The following CDH18 variants were observed in gnomAD, a reference collection of about 807,000 sequenced individuals.
CDH18 encodes the protein cadherin-18.
In CDH18, 31 loss-of-function variants were observed where a neutral mutation model predicts 67.9. The observed-to-expected ratio is 0.46, with a 90% CI of 0.34 to 0.62. CDH18 has a LOEUF of 0.62. Ranked by LOEUF, CDH18 falls within the 20% of genes least tolerant of loss-of-function variation. The pLI, the probability that CDH18 is intolerant of heterozygous loss-of-function variation, is 0.01. For synonymous variants in CDH18, 362 were observed against 347.2 expected (o/e 1.04, Z -0.48); for missense variants, 890 against 975.5 (o/e 0.91, Z 1.17).
At position 19,573,548 on chromosome 5, in the gene CDH18, G is replaced by A. The variant is rs146300963; in HGVS notation, c.1000-1716C>T. ...CCACCTAGGCCTCCCAAAGTGCTGG[G>A]ATTGCAGGCGTAAGCCACCATGCCC... On this transcript the variant is annotated intron_variant, in intron 7 of 12. Coordinates refer to ENST00000382275, the MANE Select transcript of CDH18 (RefSeq NM_004934.5). Among the ~76,000 whole-genome samples, 416 of 152,222 alleles carry A rather than the reference G, an allele frequency of 2.7e-3. 3 individuals are homozygous for A. Among genetic ancestry groups the A allele is most frequent in the African/African-American group, 9.3e-3 (386 of 41,554 alleles).
chr5:20,507,671 G>A (rs987012696), intron 1 of CDH18, among the ~76,000 whole-genome samples: 6 of 151,882 alleles, frequency 4.0e-5, no homozygotes, highest in East Asian at 1.9e-4. Flanking sequence ...GAAAATTCTA[G>A]GTTCTATGTT....
chr5:20,287,700 C>A (rs1292949983), intron 1 of CDH18, among the ~76,000 whole-genome samples: 7 of 151,536 alleles, frequency 4.6e-5, no homozygotes, highest in Non-Finnish European at 5.9e-5. Context: ...TTCTGTAAAT[C>A]CAATTGAAAA....
At chr5:19,734,510 A>G (rs1768037318) in intron 4 of CDH18, among the ~76,000 whole-genome samples, 2 of 152,130 alleles carry the variant, frequency 1.3e-5, no homozygotes, top group African/African-American at 4.8e-5. Flanking sequence ...CCTCAGAAAA[A>G]TTCACCAAAG....
At chr5:19,632,661 C>G (rs894828287) in intron 5 of CDH18, among the ~76,000 whole-genome samples, 1 of 152,198 alleles carries the variant, frequency 6.6e-6, no homozygotes, top group African/African-American at 2.4e-5. Context: ...TGAATACCTT[C>G]CATGTACCAG....
chr5:19,641,972 G>T (rs181045736), intron 5 of CDH18, among the ~76,000 whole-genome samples: 1 of 151,772 alleles, frequency 6.6e-6, no homozygotes, highest in African/African-American at 2.4e-5. Flanking sequence ...AAAACCTGTT[G>T]GAAATAATAA....
chr5:20,202,498 C>T (rs992848280), intron 2 of CDH18, among the ~76,000 whole-genome samples: 3 of 151,862 alleles, frequency 2.0e-5, no homozygotes, highest in Non-Finnish European at 4.4e-5. Context: ...TATTAAAAAT[C>T]AGTTTTTTGA....
At chr5:19,495,125 T>C (rs1385197848) in intron 11 of CDH18, among the ~76,000 whole-genome samples, 1 of 152,192 alleles carries the variant, frequency 6.6e-6, no homozygotes, top group African/African-American at 2.4e-5. Context: ...TTGGTTGAAA[T>C]GGTGACTAAT....
chr5:19,515,746 T>C (rs944011191), intron 10 of CDH18, among the ~76,000 whole-genome samples: 3 of 152,196 alleles, frequency 2.0e-5, no homozygotes, highest in Non-Finnish European at 2.9e-5. Context: ...TAAGAAGATT[T>C]TGGGCTGAGA....
chr5:19,986,374 C>T (rs1348539775), intron 1 of CDH18, among the ~76,000 whole-genome samples: 1 of 152,152 alleles, frequency 6.6e-6, no homozygotes, highest in African/African-American at 2.4e-5. Flanking sequence ...TTCTCCTTTG[C>T]TATTGGGTTA....
At chr5:19,752,894 G>A (rs1771043882) in intron 3 of CDH18, among the ~76,000 whole-genome samples, 1 of 152,152 alleles carries the variant, frequency 6.6e-6, no homozygotes, top group Non-Finnish European at 1.5e-5. Context: ...CCAGAGCCTG[G>A]TAGACTTTTT....
At chr5:20,542,157 C>A (rs1003068631) in intron 1 of CDH18, among the ~76,000 whole-genome samples, 1 of 152,088 alleles carries the variant, frequency 6.6e-6, no homozygotes, top group African/African-American at 2.4e-5. Context: ...TGTTCACCAT[C>A]AGAGTTCAGT....
In CDH18 at chr5:19,610,461, C is replaced by T. The variant is rs575751353; in HGVS notation, c.811+1973G>A. ...CATCTGCAAAGTCAATCTTAATAAA[C>T]CTGTAATTTTAATAATTATTTTAGG... On this transcript the variant is annotated intron_variant, in intron 6 of 12. Coordinates refer to ENST00000382275, the MANE Select transcript of CDH18 (RefSeq NM_004934.5). Among the ~76,000 whole-genome samples the T allele has an allele frequency of 2.0e-4, 30 of 151,892 alleles. No homozygotes were observed. The South Asian group carries it at 4.8e-3, about 24-fold the overall frequency.
intron 2 of CDH18, among the ~76,000 whole-genome samples, chr5:20,228,990 T>A (rs1741855580): frequency 6.6e-6 from 1 of 152,116 alleles, no homozygotes; most frequent in Non-Finnish European, 1.5e-5. Context: ...TTCATATTTA[T>A]GTACAGTTTC....
chr5:20,139,682 GA>G (rs1285633988), intron 2 of CDH18, among the ~76,000 whole-genome samples: 1 of 152,152 alleles, frequency 6.6e-6, no homozygotes, highest in East Asian at 1.9e-4. Flanking sequence ...CTTCTCAGAA[GA>G]AGACATTCAT....
chr5:20,209,109 T>A (rs1361065089), intron 2 of CDH18, among the ~76,000 whole-genome samples: 1 of 151,976 alleles, frequency 6.6e-6, no homozygotes, highest in Non-Finnish European at 1.5e-5. Context: ...AAGAACATGG[T>A]GGTGAGGCTG....
At position 19,483,566 on chromosome 5, in the gene CDH18, A is replaced by G; in HGVS notation, c.1631-14T>C. On this transcript the variant is annotated splice_polypyrimidine_tract_variant and intron_variant, in intron 11 of 12. Transcript: ENST00000382275. ...TGGCTGTGTTATCTATGATAGACAT[A>G]AGCAAAACAAAATACACTTAGTCAA... is the stretch of plus-strand genomic sequence containing the variant. The G allele has an allele frequency of 6.3e-7, 1 of 1,581,438 alleles. No individual in the cohort carries two copies. The highest frequency in any genetic ancestry group is 8.6e-7 in the Non-Finnish European group (1 of 1,161,958).
chr5:20,516,418 C>T (rs934723725), intron 1 of CDH18, among the ~76,000 whole-genome samples: 1 of 151,918 alleles, frequency 6.6e-6, no homozygotes, highest in Non-Finnish European at 1.5e-5. Context: ...AGATAATTTA[C>T]TGCAAACAAA....
At chr5:19,504,807 T>C (rs937168043) in intron 10 of CDH18, among the ~76,000 whole-genome samples, 1 of 152,140 alleles carries the variant, frequency 6.6e-6, no homozygotes, top group African/African-American at 2.4e-5. Flanking sequence ...AACATAGTGA[T>C]ACATTTGCAA....
intron 5 of CDH18, among the ~76,000 whole-genome samples, chr5:19,643,967 T>G (rs561278110): frequency 6.6e-6 from 1 of 152,174 alleles, no homozygotes; most frequent in Non-Finnish European, 1.5e-5. Flanking sequence ...CAGTTTTTAA[T>G]TTTTCAATAT....
Sources: allele counts gnomAD v4.1 joint callset (sites outside exome capture counted in the v4.1 genomes callset), GRCh38; gene constraint gnomAD v4.1.1; transcripts MANE v1.5; gene names NCBI Gene and HGNC (gene_info 2026-07-23, HGNC 2026-07-21).